CFAP144: variants seen among roughly 807,000 people sequenced by gnomAD.
CFAP144 encodes the protein cilia and flagella associated protein 144.
chr1:43,154,514 ACTC>A, the CFAP144 span, among the ~76,000 whole-genome samples: 3,645 of 151,566 alleles, frequency 0.024, 48 homozygotes, highest in Middle Eastern at 0.031. Context: ...GAAGATAACT[ACTC>A]AAAGAGAAAG....
chr1:43,149,036 G>A, the CFAP144 span, among the ~76,000 whole-genome samples: 3 of 152,022 alleles, frequency 2.0e-5, no homozygotes, highest in African/African-American at 4.8e-5. Context: ...AGTCCTTGCC[G>A]CCTGGATTGG....
the CFAP144 span, chr1:43,153,049 A>G: frequency 2.3e-6 from 3 of 1,303,646 alleles, no homozygotes; most frequent in South Asian, 4.4e-5. Flanking sequence ...ACCTCTTACC[A>G]GCTGGATAAG....
At chr1:43,152,818 C>A in the CFAP144 span, 1 of 1,601,868 alleles carries the variant, frequency 6.2e-7, no homozygotes, top group Non-Finnish European at 8.5e-7. Context: ...ACTCATACCT[C>A]GTCTCCCAGC....
chr1:43,147,708 G>A, the CFAP144 span: 1 of 911,998 alleles, frequency 1.1e-6, no homozygotes, highest in Non-Finnish European at 1.3e-6. Flanking sequence ...CTGAGGAGCT[G>A]GGGCAAGTGA....
chr1:43,145,309 C>T, the CFAP144 span: 32 of 1,545,136 alleles, frequency 2.1e-5, no homozygotes, highest in Admixed American at 2.0e-4. Context: ...TAAGTCTTGT[C>T]GATCTGCCCT....
chr1:43,147,142 G>T, the CFAP144 span, among the ~76,000 whole-genome samples: 1 of 152,220 alleles, frequency 6.6e-6, no homozygotes, highest in Non-Finnish European at 1.5e-5. Context: ...ACCGTGCTCG[G>T]CGATTCTTTT....
At chr1:43,147,011 A>G in the CFAP144 span, among the ~76,000 whole-genome samples, 2 of 152,080 alleles carry the variant, frequency 1.3e-5, no homozygotes, top group Non-Finnish European at 2.9e-5. Flanking sequence ...ACGCCTGGCT[A>G]ATTTTGTATT....
the CFAP144 span, among the ~76,000 whole-genome samples, chr1:43,149,293 T>C: frequency 6.6e-6 from 1 of 152,226 alleles, no homozygotes; most frequent in Non-Finnish European, 1.5e-5. Context: ...CCTGCTCCTT[T>C]AAGAAATACT....
chr1:43,150,714 A>G, the CFAP144 span: 2 of 1,515,980 alleles, frequency 1.3e-6, no homozygotes, highest in South Asian at 1.2e-5. Context: ...AGGGCAGGGA[A>G]CTCATGTTTT....
At chr1:43,154,391 C>T in the CFAP144 span, among the ~76,000 whole-genome samples, 1 of 84,658 alleles carries the variant, frequency 1.2e-5, no homozygotes, top group African/African-American at 1.9e-4. Context: ...CATATACACA[C>T]ACATATATGT....
chr1:43,152,175 G>A, the CFAP144 span, among the ~76,000 whole-genome samples: 1 of 152,098 alleles, frequency 6.6e-6, no homozygotes, highest in African/African-American at 2.4e-5. Flanking sequence ...GTCCGCCTGC[G>A]TCTCTCCGGT....
chr1:43,145,138 C>A, the CFAP144 span: 6 of 797,466 alleles, frequency 7.5e-6, no homozygotes, highest in Admixed American at 2.1e-5. Flanking sequence ...TTGCTCCTTT[C>A]CTCTCATGCC....
At chr1:43,155,883 T>G in the CFAP144 span, among the ~76,000 whole-genome samples, 1 of 152,226 alleles carries the variant, frequency 6.6e-6, no homozygotes, top group African/African-American at 2.4e-5. Flanking sequence ...CGACTTTTAC[T>G]TAGATTCTAT....
At chr1:43,152,857 G>A in the CFAP144 span, 1 of 1,612,942 alleles carries the variant, frequency 6.2e-7, no homozygotes, top group African/African-American at 1.3e-5. Flanking sequence ...TCACCATGCT[G>A]CCCAGGGACC....
At chr1:43,148,127 G>A in the CFAP144 span, 3 of 1,595,906 alleles carry the variant, frequency 1.9e-6, no homozygotes, top group Non-Finnish European at 2.6e-6. Flanking sequence ...GAGCGGGAGG[G>A]CGCCGGGGAA....
At chr1:43,145,675 A>C in the CFAP144 span, among the ~76,000 whole-genome samples, 1 of 152,356 alleles carries the variant, frequency 6.6e-6, no homozygotes, top group Admixed American at 6.5e-5. Context: ...GCTCTCCTCA[A>C]ACTGAGGTCT....
At chr1:43,147,871 C>CCGTTGCCTGGAGACAGCGGGGACG in the CFAP144 span, 2 of 1,571,812 alleles carry the variant, frequency 1.3e-6, no homozygotes, top group South Asian at 2.3e-5. Context: ...CCACGGGACG[C>CCGTTGCCTGGAGACAGCGGGGACG]CGTTGCCTGG....
At chr1:43,152,709 C>A in the CFAP144 span, 3 of 1,158,914 alleles carry the variant, frequency 2.6e-6, no homozygotes, top group East Asian at 2.6e-5. Context: ...GAGGCTGAGG[C>A]AAACCTCCAA....
At chr1:43,153,699 T>A in the CFAP144 span, among the ~76,000 whole-genome samples, 1 of 151,340 alleles carries the variant, frequency 6.6e-6, no homozygotes, top group African/African-American at 2.4e-5. Flanking sequence ...CAAAAAAGCA[T>A]AAAAAATGGA....
Sources: gnomAD v4.1 joint callset for allele counts (sites outside exome capture counted in the v4.1 genomes callset) on GRCh38, gnomAD v4.1.1 for gene constraint, MANE v1.5 for transcripts, NCBI Gene and HGNC (gene_info 2026-07-23, HGNC 2026-07-21) for gene names.